SLC6A12: variants seen among roughly 807,000 people sequenced by gnomAD.
The protein encoded by SLC6A12 is sodium- and chloride-dependent betaine transporter.
SLC6A12 carries 50 observed loss-of-function variants against 73.3 expected under a neutral mutation model. The ratio of observed to expected loss-of-function variants is 0.68; its 90% CI spans 0.54 to 0.86. The LOEUF is 0.86. Among genes scored for constraint, SLC6A12 ranks in the 40% least tolerant of loss-of-function variants. SLC6A12 has a pLI of 0.00. For missense variants in SLC6A12, 648 were observed against 772.8 expected (o/e 0.84, Z 1.92); for synonymous variants, 304 against 309.2 (o/e 0.98, Z 0.18).
In SLC6A12 at chr12:198,578, A is replaced by G; in HGVS notation, c.846+219T>C. ...GACCCTGCCTGTCTCTAAGTAAGAG[A>G]AAAAAAATTTTTTAAGAAAAAAAGT... On this transcript the variant is annotated intron_variant, in intron 8 of 15. Transcript: ENST00000684302. The surrounding 1 kb of genome is among the most constrained non-coding windows in gnomAD (Gnocchi z 4.0). The G allele has an allele frequency of 2.1e-6, 1 of 470,550 alleles. No individual in the cohort carries two copies. The allele number at this position is 470,550 out of a possible 1,614,324, so 29.1% of individuals were successfully genotyped here. A position where few individuals can be genotyped will look rare whatever the true frequency, so the allele number is the denominator to read the frequency against.
At chr12:211,717 AAATT>A (rs1334053411) in intron 2 of SLC6A12, among the ~76,000 whole-genome samples, 1 of 152,212 alleles carries the variant, frequency 6.6e-6, no homozygotes, top group African/African-American at 2.4e-5. Context: ...ATCACCAAAT[AAATT>A]AACAAACTAG....
intron 3 of SLC6A12, among the ~76,000 whole-genome samples, chr12:208,617 G>A (rs556068062): frequency 6.6e-6 from 1 of 152,138 alleles, no homozygotes; most frequent in Non-Finnish European, 1.5e-5. Flanking sequence ...CGCATTGAAC[G>A]ATTGTATTCC....
the SLC6A12 span, among the ~76,000 whole-genome samples, chr12:184,219 T>C: frequency 1.3e-5 from 2 of 152,162 alleles, no homozygotes; most frequent in African/African-American, 4.8e-5. Context: ...ATTATCTCAA[T>C]AGATGCAGAA....
chr12:203,237 T>G, intron 4 of SLC6A12: 1 of 170,088 alleles, frequency 5.9e-6, no homozygotes, highest in South Asian at 1.5e-4. Flanking sequence ...TAACTTTTTT[T>G]TTGTAGAGAC....
intron 3 of SLC6A12, among the ~76,000 whole-genome samples, chr12:206,894 T>G (rs1350786619): frequency 6.6e-6 from 1 of 152,240 alleles, no homozygotes; most frequent in Non-Finnish European, 1.5e-5. Flanking sequence ...CCACCTGTTG[T>G]GTGCAGAAGG....
downstream of SLC6A12, among the ~76,000 whole-genome samples, chr12:186,092 G>A (rs1030611119): frequency 1.4e-5 from 2 of 148,038 alleles, no homozygotes; most frequent in African/African-American, 5.3e-5. Context: ...AGGGGTCAGA[G>A]GAGGTGAGGC....
At chr12:212,191 A>T (rs1274146975) in intron 1 of SLC6A12, 81 bp from the exon 2 acceptor site, 1 of 152,242 alleles carries the variant, frequency 6.6e-6, no homozygotes, top group African/African-American at 2.4e-5. Context: ...AGAGACGGAG[A>T]ACTGACCGCC....
intron 3 of SLC6A12, among the ~76,000 whole-genome samples, chr12:207,477 A>T (rs922664030): frequency 4.6e-5 from 7 of 152,336 alleles, no homozygotes; most frequent in Middle Eastern, 3.4e-3. Context: ...TCATTAGACC[A>T]ATAGTTTTAT....
intron 15 of SLC6A12, 22 bp from the exon 16 acceptor site, chr12:191,233 A>T (rs1230977882): frequency 1.6e-6 from 2 of 1,259,972 alleles, no homozygotes; most frequent in East Asian, 6.3e-5. Context: ...AGAGGCAGGG[A>T]TTTGGAGCTG....
chr12:211,849 AG>A (rs1398540965), intron 2 of SLC6A12, among the ~76,000 whole-genome samples, 176 bp downstream of exon 2: 5 of 152,236 alleles, frequency 3.3e-5, no homozygotes, highest in African/African-American at 1.2e-4. Context: ...AGTATGTTAA[AG>A]ACAGGCACTC....
intron 10 of SLC6A12, among the ~76,000 whole-genome samples, 199 bp downstream of exon 10, chr12:197,178 C>CATCTATCCATCCATCTATCCATCT (rs1565469157): frequency 4.7e-5 from 1 of 21,332 alleles, no homozygotes. Context: ...TCCATCCATC[C>CATCTATCCATCCATCTATCCATCT]ATCCATCCAT....
In SLC6A12 at chr12:200,264, A is replaced by T. The variant is rs980082777; in HGVS notation, c.711+387T>A. ...GCTGGGACTACAGGTGCCCACCACC[A>T]CGCCCGGCTAATTTTTTGTATTTTT... is the stretch of plus-strand genomic sequence containing the variant. On this transcript the variant is annotated intron_variant, in intron 7 of 15. Transcript: ENST00000684302. Among the ~76,000 whole-genome samples the T allele has an allele frequency of 9.3e-5, 14 of 150,676 alleles. No individual in the cohort carries two copies. The Middle Eastern group carries it at 0.01, about 110-fold the overall frequency.
At chr12:202,604 G>C in intron 5 of SLC6A12, 136 bp downstream of exon 5, 1 of 814,190 alleles carries the variant, frequency 1.2e-6, no homozygotes, top group Non-Finnish European at 1.9e-6. Flanking sequence ...AAGGAGCAGA[G>C]CTGCCCAGGA....
rs143342777 is a variant in SLC6A12, at chr12:196,302, G to A, written c.1189-41C>T. On this transcript the variant is annotated intron_variant, in intron 11 of 15. Coordinates refer to ENST00000684302, the MANE Select transcript of SLC6A12 (RefSeq NM_001122848.3). The stretch of plus-strand genomic sequence containing the variant: ...GGAACTGGATGAGAGGGTGTGGGGC[G>A]GGCTGTTGGCCACCAGCCCTGGCCT... 1.3e-3 allele frequency: 2,109 copies of A among 1,587,628 alleles called. 22 individuals carry two copies. The African/African-American group carries it at 0.024, about 18-fold the overall frequency.
In SLC6A12 at chr12:191,164, C is replaced by T. The variant is rs1939579672; in HGVS notation, c.1749G>A (p.Lys583=). The stretch of plus-strand genomic sequence containing the variant: ...CACTGCCATCCAAGCAGGGATGTTG[C>T]TTGGGCTGTGGCAGACTGGAGTCAG... ...ITPDSSLPQP[K]QHPCLDGSAG... The change falls in exon 16 of 16, where the codon AAG becomes AAA. Residue 583 remains lysine, a synonymous_variant. Coordinates refer to ENST00000684302, the MANE Select transcript of SLC6A12 (RefSeq NM_001122848.3). The T allele has an allele frequency of 1.5e-6, 2 of 1,311,102 alleles. No homozygotes were observed. The highest frequency in any genetic ancestry group is 2.0e-6 in the Non-Finnish European group (2 of 1,017,212). The allele number at this position is 1,311,102 out of a possible 1,614,324, so 81.2% of individuals were successfully genotyped here.
intron 12 of SLC6A12, 125 bp from the exon 13 acceptor site, chr12:195,452 G>A: frequency 1.5e-6 from 1 of 671,156 alleles, no homozygotes; most frequent in South Asian, 1.8e-5. Flanking sequence ...GCCATTCCTT[G>A]CATCTCAAAG....
Position 209,882 on chromosome 12 carries a change from A to G in SLC6A12, c.105T>C (p.Asp35=). ...CCATCTTGTTGGTCCATTGGCCCCG[A>G]TCCTTCACCTGGTCCTCGTCTTCCT... ...LDQEDEDQVK[D]RGQWTNKMEF... The change falls in exon 3 of 16, where the codon GAT becomes GAC. Residue 35 remains aspartate (D), a synonymous_variant. Transcript: ENST00000684302. The G allele has an allele frequency of 6.2e-7, 1 of 1,614,078 alleles. No individual in the cohort carries two copies. The highest frequency in any genetic ancestry group is 8.5e-7 in the Non-Finnish European group (1 of 1,180,016).
At chr12:195,393 G>T in intron 12 of SLC6A12, 66 bp from the exon 13 acceptor site, 1 of 1,057,162 alleles carries the variant, frequency 9.5e-7, no homozygotes, top group Non-Finnish European at 1.5e-6. Context: ...AGCCCTCAGT[G>T]AGATGGCAAA....
chr12:188,759 C>A (rs1939491616), downstream of SLC6A12, among the ~76,000 whole-genome samples: 1 of 151,892 alleles, frequency 6.6e-6, no homozygotes, highest in Non-Finnish European at 1.5e-5. Flanking sequence ...TCTGGGCAGG[C>A]TGGAGAGTGA....
Sources: allele counts gnomAD v4.1 joint callset (sites outside exome capture counted in the v4.1 genomes callset), GRCh38; gene constraint gnomAD v4.1.1; non-coding constraint Gnocchi (gnomAD v3.1); transcripts MANE v1.5; gene names NCBI Gene and HGNC (gene_info 2026-07-23, HGNC 2026-07-21).